The following ADGRL3 variants were observed in gnomAD, a reference collection of about 807,000 sequenced individuals.
The protein encoded by ADGRL3 is calcium-independent alpha-latrotoxin receptor 3.
A neutral mutation model predicts 153.5 loss-of-function variants in ADGRL3; 62 were observed. The observed-to-expected ratio is 0.40, with a 90% CI of 0.33 to 0.50. The LOEUF (loss-of-function observed/expected upper bound fraction) is 0.50, where lower values mean the gene tolerates loss of function less well. Ranked by LOEUF, ADGRL3 falls within the 20% of genes least tolerant of loss-of-function variation. The pLI, the probability that ADGRL3 is intolerant of heterozygous loss-of-function variation, is 0.47. For synonymous variants in ADGRL3, 710 were observed against 672.5 expected (o/e 1.06, Z -0.86); for missense variants, 1,641 against 1,859.4 (o/e 0.88, Z 2.16).
chr4:61,896,308 G>T lies in ADGRL3; in HGVS notation c.1887+474G>T, dbSNP rs76972593. ...GACTCAAATTTTCAGGGCTTATTTG[G>T]TTGCAATATGTTGAACATTTTTATT... On this transcript the variant is annotated intron_variant, in intron 11 of 26. Transcript: ENST00000683033. Among the ~76,000 whole-genome samples the T allele has an allele frequency of 1.6e-4, 24 of 152,152 alleles. No individual in the cohort carries two copies. The East Asian group carries it at 4.5e-3, about 28-fold the overall frequency.
chr4:61,421,079 G>A (rs1475593562), intron 2 of ADGRL3, among the ~76,000 whole-genome samples: 1 of 152,094 alleles, frequency 6.6e-6, no homozygotes, highest in Non-Finnish European at 1.5e-5. Flanking sequence ...GGGAGGCCGA[G>A]GTGGGTGGAT....
chr4:61,375,340 TA>T (rs2096590894), intron 1 of ADGRL3, among the ~76,000 whole-genome samples: 1 of 152,202 alleles, frequency 6.6e-6, no homozygotes, highest in Non-Finnish European at 1.5e-5. Context: ...ACAGGATAAA[TA>T]AATGTTTAAA....
intron 2 of ADGRL3, among the ~76,000 whole-genome samples, chr4:61,402,990 C>T (rs1446918204): frequency 6.6e-6 from 1 of 151,900 alleles, no homozygotes; most frequent in Non-Finnish European, 1.5e-5. Context: ...CAGTTTCCAG[C>T]GTAGGCCCTC....
chr4:61,468,349 C>T (rs1342110871), intron 2 of ADGRL3, among the ~76,000 whole-genome samples: 2 of 152,106 alleles, frequency 1.3e-5, no homozygotes, highest in Non-Finnish European at 2.9e-5. Flanking sequence ...TTTGGTGACT[C>T]AGTGTGAGGT....
chr4:61,372,450 A>G (rs1354665347), intron 1 of ADGRL3, among the ~76,000 whole-genome samples: 1 of 152,030 alleles, frequency 6.6e-6, no homozygotes, highest in Non-Finnish European at 1.5e-5. Context: ...CTTCTAACAG[A>G]CAGGACCCTC....
chr4:61,574,384 CTAAT>C (rs1180397971), intron 4 of ADGRL3, among the ~76,000 whole-genome samples: 2 of 152,010 alleles, frequency 1.3e-5, no homozygotes, highest in East Asian at 1.9e-4. Context: ...TAGAACCTTA[CTAAT>C]TAAGTAGAAA....
At chr4:61,398,010 A>G (rs2096888106) in intron 2 of ADGRL3, among the ~76,000 whole-genome samples, 1 of 151,872 alleles carries the variant, frequency 6.6e-6, no homozygotes. Context: ...ATATTATTGT[A>G]GATGTCTTTA....
chr4:61,391,867 T>C (rs1214368019), intron 2 of ADGRL3, among the ~76,000 whole-genome samples: 1 of 141,618 alleles, frequency 7.1e-6, no homozygotes, highest in Admixed American at 7.0e-5. Flanking sequence ...TTTTTTTTTT[T>C]TTTTTTTTTT....
intron 2 of ADGRL3, among the ~76,000 whole-genome samples, chr4:61,437,261 T>G (rs979570168): frequency 7.1e-6 from 1 of 140,956 alleles, no homozygotes; most frequent in African/African-American, 2.6e-5. Context: ...ATATAAAACA[T>G]ATGCAAGATA....
rs59935243 is a variant in ADGRL3, at chr4:61,855,230, A to T, written c.1481-37426A>T. 3.0e-3 allele frequency among the ~76,000 whole-genome samples: 463 copies of T among 152,224 alleles called. 4 individuals carry two copies. Among genetic ancestry groups the T allele is most frequent in the African/African-American group, 0.01 (430 of 41,528 alleles). On this transcript the variant is annotated intron_variant, in intron 9 of 26. Transcript: ENST00000683033. ...TAGAAACTGAATGCTGGCTCTAGGG[A>T]AACCCCATGTGTTTGCAAGTTTTGT...
At chr4:61,540,727 G>A (rs904243) in intron 4 of ADGRL3, among the ~76,000 whole-genome samples, 28,070 of 152,090 alleles carry the variant, frequency 0.18, 3,208 homozygotes, top group Middle Eastern at 0.26. Context: ...TTCAGGTTAA[G>A]TTCATTGTGC....
chr4:61,811,945 A>C (rs1450854968), intron 8 of ADGRL3, among the ~76,000 whole-genome samples: 1 of 152,184 alleles, frequency 6.6e-6, no homozygotes, highest in Non-Finnish European at 1.5e-5. Context: ...ATTTTGAGCC[A>C]ATATAAAGTA....
intron 8 of ADGRL3, among the ~76,000 whole-genome samples, chr4:61,752,315 G>C (rs1249042519): frequency 1.3e-5 from 2 of 152,026 alleles, no homozygotes; most frequent in African/African-American, 4.8e-5. Context: ...CAATAGGCTT[G>C]GAAAGCCTAT....
intron 1 of ADGRL3, among the ~76,000 whole-genome samples, chr4:61,315,522 T>C (rs1392919175): frequency 6.6e-6 from 1 of 152,108 alleles, no homozygotes. Context: ...AGCCTGTTAG[T>C]AGCAATGTTA....
At chr4:61,571,316 TAATAAAATAAAATAAAATAA>T (rs10605564) in intron 4 of ADGRL3, among the ~76,000 whole-genome samples, 339 of 140,304 alleles carry the variant, frequency 2.4e-3, no homozygotes, top group Admixed American at 6.1e-3. Context: ...CTCAACAAAA[TAATAAAATAAAATAAAATAA>T]AATAAAATAA....
At chr4:61,692,727 C>A (rs573833051) in intron 6 of ADGRL3, among the ~76,000 whole-genome samples, 2 of 152,230 alleles carry the variant, frequency 1.3e-5, no homozygotes, top group South Asian at 4.2e-4. Flanking sequence ...CATAAGCCAC[C>A]ACGCCTGGTC....
At chr4:61,975,783 T>A (rs2099045727) in intron 17 of ADGRL3, among the ~76,000 whole-genome samples, 1 of 152,048 alleles carries the variant, frequency 6.6e-6, no homozygotes, top group African/African-American at 2.4e-5. Context: ...TTAAATGTAG[T>A]GCGTGAAGGA....
At position 61,773,745 on chromosome 4, in the gene ADGRL3, G is replaced by A. The variant is rs373763571; in HGVS notation, c.1400-40064G>A. Among the ~76,000 whole-genome samples the A allele has an allele frequency of 1.1e-4, 17 of 152,238 alleles. 1 individual carries two copies. Among genetic ancestry groups the A allele is most frequent in the African/African-American group, 3.9e-4 (16 of 41,534 alleles). ...AGACAGATTAACAAGAGAAAAACAG[G>A]AGTTTATTAAGGAGTTCTTCATGGA... On this transcript the variant is annotated intron_variant, in intron 8 of 26. Coordinates refer to ENST00000683033, the MANE Select transcript of ADGRL3 (RefSeq NM_001387552.1).
At chr4:61,630,158 T>G (rs759096107) in intron 5 of ADGRL3, among the ~76,000 whole-genome samples, 29 of 152,184 alleles carry the variant, frequency 1.9e-4, no homozygotes, top group Non-Finnish European at 3.5e-4. Context: ...CAGAGTATTA[T>G]CCCAGTTTTC....
Sources: gnomAD v4.1 joint callset for allele counts (sites outside exome capture counted in the v4.1 genomes callset) on GRCh38, gnomAD v4.1.1 for gene constraint, MANE v1.5 for transcripts, NCBI Gene and HGNC (gene_info 2026-07-23, HGNC 2026-07-21) for gene names.